TECPR2: variants seen among roughly 807,000 people sequenced by gnomAD.
TECPR2 encodes tectonin beta-propeller repeat-containing protein 2.
TECPR2 carries 65 observed loss-of-function variants against 138.1 expected under a neutral mutation model. The ratio of observed to expected loss-of-function variants is 0.47; its 90% CI spans 0.39 to 0.58. TECPR2 has a LOEUF of 0.58. Among genes scored for constraint, TECPR2 ranks in the 20% least tolerant of loss-of-function variants. TECPR2 has a pLI of 0.00. For missense variants in TECPR2, 1,553 were observed against 1,824.5 expected (o/e 0.85, Z 2.71); for synonymous variants, 746 against 749.8 (o/e 0.99, Z 0.08).
rs1050874350 is a variant in TECPR2, at chr14:102,443,915, G to A, written c.2933+88G>A. On this transcript the variant is annotated intron_variant, in intron 12 of 19. Coordinates refer to ENST00000359520, the MANE Select transcript of TECPR2 (RefSeq NM_014844.5). The surrounding 1 kb of genome is among the most constrained non-coding windows in gnomAD (Gnocchi z 4.9). ...TGACACCACAAGGCACCATGAGGCC[G>A]TTCCTGGGAGGCAGCACCTGCAGCC... is the stretch of plus-strand genomic sequence containing the variant. The A allele has an allele frequency of 2.5e-5, 33 of 1,315,090 alleles. No homozygotes were observed. Among genetic ancestry groups the A allele is most frequent in the South Asian group, 1.1e-4 (6 of 55,430 alleles). The allele number at this position is 1,315,090 out of a possible 1,614,324, so 81.5% of individuals were successfully genotyped here.
rs1448714175 is a variant in TECPR2, at chr14:102,415,759, AG to A, written c.638+969del. 5.9e-5 allele frequency among the ~76,000 whole-genome samples: 9 copies of A among 152,198 alleles called. No individual in the cohort carries two copies. Among genetic ancestry groups the A allele is most frequent in the African/African-American group, 2.2e-4 (9 of 41,450 alleles). On this transcript the variant is annotated intron_variant, in intron 5 of 19. Transcript: ENST00000359520. This position sits in a 1 kb window ranked among gnomAD's most constrained non-coding sequence, Gnocchi z 4.3. ...GTTCCCGTCTTGTGTCTCCCAGGAAAGGGCACTGTTTGCCTGCATAGAATCA... is the reference window on the plus strand; with the variant it reads ...GTTCCCGTCTTGTGTCTCCCAGGAAAGGCACTGTTTGCCTGCATAGAATCA...
At chr14:102,378,826 T>C (rs575006457) in intron 2 of TECPR2, among the ~76,000 whole-genome samples, 2 of 152,268 alleles carry the variant, frequency 1.3e-5, no homozygotes, top group South Asian at 4.1e-4. Context: ...TATTTCACCA[T>C]GTTGGCCAGG....
intron 17 of TECPR2, among the ~76,000 whole-genome samples, chr14:102,473,267 G>C (rs1034700645): frequency 3.9e-5 from 6 of 152,220 alleles, no homozygotes; most frequent in Non-Finnish European, 8.8e-5. Flanking sequence ...CTCACACGTC[G>C]TATTTTAGGA....
intron 12 of TECPR2, 52 bp from the exon 13 acceptor site, chr14:102,445,754 T>C: frequency 6.3e-7 from 1 of 1,581,024 alleles, no homozygotes. Flanking sequence ...CCAGACACAC[T>C]GGGCACTCTG....
At chr14:102,497,965 A>G (rs1322368943) in intron 19 of TECPR2, 138 bp from the exon 20 acceptor site, 6 of 1,232,236 alleles carry the variant, frequency 4.9e-6, no homozygotes, top group African/African-American at 3.0e-5. Flanking sequence ...CGAAGTTCAC[A>G]TGGAGATGGT....
chr14:102,498,876 A>G lies in TECPR2; in HGVS notation c.*619A>G, dbSNP rs1361568032. 1 of 662,160 alleles carries G rather than the reference A, an allele frequency of 1.5e-6. No individual in the cohort carries two copies. The allele number at this position is 662,160 out of a possible 1,614,324, so 41.0% of individuals were successfully genotyped here. Reference sequence around the variant, plus strand: ...ACATGCACACCACAACACACAACACACCTCACCTCACACCACAGCACACCT... The same window carrying G: ...ACATGCACACCACAACACACAACACGCCTCACCTCACACCACAGCACACCT... On this transcript the variant is annotated 3_prime_UTR_variant, in exon 20 of 20. Coordinates refer to ENST00000359520, the MANE Select transcript of TECPR2 (RefSeq NM_014844.5).
intron 16 of TECPR2, among the ~76,000 whole-genome samples, chr14:102,461,839 T>C (rs1438102244): frequency 2.0e-5 from 3 of 152,174 alleles, no homozygotes; most frequent in African/African-American, 7.2e-5. Flanking sequence ...CATGGAGTGC[T>C]TGGGGAGGGC....
chr14:102,457,256 T>C (rs1311906093), intron 16 of TECPR2, among the ~76,000 whole-genome samples: 3 of 152,112 alleles, frequency 2.0e-5, no homozygotes, highest in Non-Finnish European at 2.9e-5. Flanking sequence ...GGCTAATGTT[T>C]GTGTTTTTAG....
intron 13 of TECPR2, 117 bp downstream of exon 13, chr14:102,446,064 T>A (rs1433182847): frequency 1.4e-5 from 17 of 1,253,968 alleles, no homozygotes; most frequent in Non-Finnish European, 1.8e-5. Context: ...CTCACTTTTT[T>A]ATTATTTGTT....
At chr14:102,387,588 G>A (rs937158902) in intron 2 of TECPR2, among the ~76,000 whole-genome samples, 1 of 151,114 alleles carries the variant, frequency 6.6e-6, no homozygotes, top group East Asian at 1.9e-4. Context: ...GTGCAGCGGC[G>A]CCATCTCGGC....
intron 1 of TECPR2, among the ~76,000 whole-genome samples, chr14:102,363,663 TG>T: frequency 6.6e-6 from 1 of 152,212 alleles, no homozygotes; most frequent in Non-Finnish European, 1.5e-5. Flanking sequence ...TGTTAAAGGA[TG>T]GGGTGTCCTG....
At chr14:102,372,942 G>A (rs914635797) in intron 1 of TECPR2, among the ~76,000 whole-genome samples, 5 of 152,078 alleles carry the variant, frequency 3.3e-5, no homozygotes, top group Admixed American at 6.5e-5. Flanking sequence ...TTGATAGTGA[G>A]CATTTATAAC....
chr14:102,387,765 A>C (rs931183897), intron 2 of TECPR2, among the ~76,000 whole-genome samples: 3 of 152,130 alleles, frequency 2.0e-5, no homozygotes, highest in Non-Finnish European at 2.9e-5. Flanking sequence ...TGACCTCGTG[A>C]TCCACTCGCC....
intron 9 of TECPR2, chr14:102,437,009 C>T (rs953682377): frequency 1.2e-5 from 12 of 985,344 alleles, no homozygotes; most frequent in African/African-American, 1.7e-5. Context: ...CTAACTTCCT[C>T]CCTTCCTCAT....
In TECPR2 at chr14:102,499,304, TCTA is replaced by T; in HGVS notation, c.*1051_*1053del. 3.2e-6 allele frequency: 2 copies of T among 618,238 alleles called. No homozygotes were observed. Among genetic ancestry groups the T allele is most frequent in the South Asian group, 3.7e-5 (2 of 53,926 alleles). The allele number at this position is 618,238 out of a possible 1,614,324, so 38.3% of individuals were successfully genotyped here. A position where few individuals can be genotyped will look rare whatever the true frequency, so the allele number is the denominator to read the frequency against. ...ACCAGATGCATCCTCAGAGGACGAG[TCTA>T]CTAATTATTGCCTTTGTTGTTGTAT... is the stretch of plus-strand genomic sequence containing the variant. On this transcript the variant is annotated 3_prime_UTR_variant, in exon 20 of 20. Transcript: ENST00000359520.
chr14:102,490,035 C>T (rs1208075185), intron 17 of TECPR2, among the ~76,000 whole-genome samples: 2 of 151,794 alleles, frequency 1.3e-5, no homozygotes, highest in Non-Finnish European at 2.9e-5. Flanking sequence ...AAAAAAAATA[C>T]AGTGAGTTTA....
intron 17 of TECPR2, among the ~76,000 whole-genome samples, chr14:102,486,685 C>T (rs1353216848): frequency 1.3e-5 from 2 of 152,188 alleles, no homozygotes; most frequent in Non-Finnish European, 2.9e-5. Flanking sequence ...CAGCCATACC[C>T]ACCTCGTACC....
Position 102,452,656 on chromosome 14 carries a change from G to T in TECPR2, c.3640+29G>T, listed in dbSNP as rs748166337. 2.0e-6 allele frequency: 3 copies of T among 1,531,894 alleles called. No homozygotes were observed. The African/African-American group carries it at 4.1e-5, about 21-fold the overall frequency. 94.9% of individuals were successfully genotyped at this position (1,531,894 alleles called of 1,614,324 possible). A position where few individuals can be genotyped will look rare whatever the true frequency, so the allele number is the denominator to read the frequency against. The stretch of plus-strand genomic sequence containing the variant: ...CGGCCACCTCGTGAGTACACCTGCC[G>T]GTGCCCTGACTGCCCTAAACCGGCA... On this transcript the variant is annotated intron_variant, in intron 16 of 19. Transcript: ENST00000359520.
intron 16 of TECPR2, among the ~76,000 whole-genome samples, chr14:102,463,361 G>A (rs1280446627): frequency 6.9e-6 from 1 of 145,086 alleles, no homozygotes; most frequent in Non-Finnish European, 1.5e-5. Context: ...AGCTTGCAGT[G>A]AGCCGAGATC....
Sources: allele counts gnomAD v4.1 joint callset (sites outside exome capture counted in the v4.1 genomes callset), GRCh38; gene constraint gnomAD v4.1.1; non-coding constraint Gnocchi (gnomAD v3.1); transcripts MANE v1.5; gene names NCBI Gene and HGNC (gene_info 2026-07-23, HGNC 2026-07-21).